The following CENPF variants were observed in gnomAD, a reference collection of about 807,000 sequenced individuals.
CENPF encodes the protein centromere protein F.
Under a neutral mutation model 307.3 loss-of-function variants are expected in CENPF, and 214 were observed. The observed-to-expected ratio is 0.70, with a 90% CI of 0.62 to 0.78. CENPF has a LOEUF of 0.78. Ranked by LOEUF, CENPF falls within the 30% of genes least tolerant of loss-of-function variation. CENPF has a pLI of 0.00. For missense variants in CENPF, 3,401 were observed against 3,483.9 expected (o/e 0.98, Z 0.60); for synonymous variants, 1,259 against 1,270.6 (o/e 0.99, Z 0.19).
chr1:214,649,658 T>C (rs1658409100), intron 14 of CENPF, among the ~76,000 whole-genome samples: 1 of 152,226 alleles, frequency 6.6e-6, no homozygotes, highest in African/African-American at 2.4e-5. Context: ...GCATCAAATC[T>C]CAGGAATGGA....
At chr1:214,651,675 A>C in intron 14 of CENPF, 35 bp from the exon 15 acceptor site, 4 of 1,438,162 alleles carry the variant, frequency 2.8e-6, no homozygotes, top group Non-Finnish European at 3.8e-6. Flanking sequence ...AATTATGAGG[A>C]GGTGCTATTA....
chr1:214,660,302 C>G (rs540202162), intron 19 of CENPF, among the ~76,000 whole-genome samples: 1 of 152,156 alleles, frequency 6.6e-6, no homozygotes, highest in East Asian at 1.9e-4. Flanking sequence ...CCATTTGTTA[C>G]TCTTATTAGA....
chr1:214,657,482 C>G, intron 18 of CENPF, 73 bp downstream of exon 18: 1 of 1,143,060 alleles, frequency 8.7e-7, no homozygotes, highest in Admixed American at 2.2e-5. Flanking sequence ...TATAAAAAGA[C>G]AAAAGTATTT....
chr1:214,636,179 C>T (rs552451321), intron 10 of CENPF, among the ~76,000 whole-genome samples: 30 of 152,266 alleles, frequency 2.0e-4, no homozygotes, highest in African/African-American at 7.0e-4. Flanking sequence ...TTGCCCCTGT[C>T]AAAGTGCTTT....
In CENPF at chr1:214,659,123, C is replaced by A. The variant is rs1468712640; in HGVS notation, c.9141+95C>A. 3.7e-6 allele frequency: 5 copies of A among 1,358,084 alleles called. No homozygotes were observed. The highest frequency in any genetic ancestry group is 5.1e-6 in the Non-Finnish European group (5 of 988,372). 84.1% of individuals were successfully genotyped at this position (1,358,084 alleles called of 1,614,324 possible). ...GGACACTGCACCCCCGATTCAGGAG[C>A]GCTTTCAAAAAGTCTGACCTTCTTG... is the stretch of plus-strand genomic sequence containing the variant. On this transcript the variant is annotated intron_variant, in intron 19 of 19. Transcript: ENST00000366955. The surrounding 1 kb of genome is among the most constrained non-coding windows in gnomAD (Gnocchi z 4.4).
At chr1:214,605,913 C>G (rs903494924) in intron 1 of CENPF, 219 of 1,597,278 alleles carry the variant, frequency 1.4e-4, no homozygotes, top group Non-Finnish European at 1.6e-4. Flanking sequence ...GGGAAGGCGT[C>G]GAAGCAGTAG....
In CENPF at chr1:214,648,696, G is replaced by A. The variant is rs1161044600; in HGVS notation, c.7852G>A (p.Glu2618Lys). ...VEKVNKMTAK[E>K]TELQREMHEM... The stretch of plus-strand genomic sequence containing the variant: ...TCAGGTAAACAAAATGACTGCAAAG[G>A]AAACTGAGCTGCAGAGGGAAATGCA... Residue 2618 changes from glutamate (E) to lysine (K), a missense_variant, in exon 14 of 20, where the codon GAA becomes AAA. Transcript: ENST00000366955. 6.2e-7 allele frequency: 1 copy of A among 1,612,842 alleles called. No homozygotes were observed. The highest frequency in any genetic ancestry group is 1.1e-5 in the South Asian group (1 of 90,670).
intron 7 of CENPF, among the ~76,000 whole-genome samples, chr1:214,624,960 C>G (rs1202323546): frequency 6.6e-6 from 1 of 151,304 alleles, no homozygotes; most frequent in Non-Finnish European, 1.5e-5. Flanking sequence ...TTTTGCAGCT[C>G]TGTTGGTGAA....
chr1:214,618,903 G>A (rs888717078), intron 4 of CENPF, among the ~76,000 whole-genome samples: 1 of 152,138 alleles, frequency 6.6e-6, no homozygotes, highest in African/African-American at 2.4e-5. Flanking sequence ...TTATCCTTCT[G>A]TGGCATATTT....
intron 3 of CENPF, among the ~76,000 whole-genome samples, chr1:214,617,356 T>G (rs1657388047): frequency 6.6e-6 from 1 of 152,178 alleles, no homozygotes; most frequent in Non-Finnish European, 1.5e-5. Context: ...CATTACTTTC[T>G]TTACTTCCTG....
chr1:214,649,003 T>A (rs575390247), intron 14 of CENPF, among the ~76,000 whole-genome samples, 176 bp downstream of exon 14: 5 of 152,302 alleles, frequency 3.3e-5, no homozygotes, highest in African/African-American at 1.2e-4. Flanking sequence ...TCCAGCACTA[T>A]CAGGAGCCCA....
Position 214,637,886 on chromosome 1 carries a change from C to A in CENPF, c.1467C>A (p.Asn489Lys). ...RSMEEMKKEN[N>K]LLKSHSEQKA... ...TTTAGGAAATGAAGAAGGAAAACAA[C>A]CTCCTTAAGAGTCACTCTGAGCAAA... Residue 489 changes from asparagine (N) to lysine (K), a missense_variant, in exon 11 of 20, where the codon AAC becomes AAA. Coordinates refer to ENST00000366955, the MANE Select transcript of CENPF (RefSeq NM_016343.4). The A allele has an allele frequency of 6.2e-7, 1 of 1,603,358 alleles. No homozygotes were observed. Among genetic ancestry groups the A allele is most frequent in the Admixed American group, 1.8e-5 (1 of 56,108 alleles).
chr1:214,615,207 A>AAACT (rs1376608252), intron 3 of CENPF, 179 bp downstream of exon 3: 30 of 466,630 alleles, frequency 6.4e-5, no homozygotes, highest in African/African-American at 5.6e-4. Flanking sequence ...ACAAACAAAC[A>AAACT]GTGATTTGGT....
In CENPF at chr1:214,605,437, CTT is replaced by C. The variant is rs1199755413; in HGVS notation, c.-42+2118_-42+2119del. 3 of 506,740 alleles carry C rather than the reference CTT, an allele frequency of 5.9e-6. No individual in the cohort carries two copies. In the Admixed American group the frequency reaches 1.0e-4, roughly 18 times the overall value. 31.4% of individuals were successfully genotyped at this position (506,740 alleles called of 1,614,324 possible). Reference sequence around the variant, plus strand: ...TAAGTGCCTGAGCTAGAAGAATCCGCTTTGTTTTTTTTTTTTTTTAAATTTTA... The same window carrying C: ...TAAGTGCCTGAGCTAGAAGAATCCGCTGTTTTTTTTTTTTTTTAAATTTTA... On this transcript the variant is annotated intron_variant, in intron 1 of 19. Transcript: ENST00000366955.
At chr1:214,619,543 T>C (rs1055653496) in intron 5 of CENPF, among the ~76,000 whole-genome samples, 2 of 152,218 alleles carry the variant, frequency 1.3e-5, no homozygotes, top group Non-Finnish European at 2.9e-5. Flanking sequence ...GTCGTGATGC[T>C]CCCTGCCTGG....
intron 7 of CENPF, among the ~76,000 whole-genome samples, chr1:214,628,645 T>C (rs931982203): frequency 1.3e-5 from 2 of 152,238 alleles, no homozygotes; most frequent in Admixed American, 1.3e-4. Flanking sequence ...CGTTTCACCA[T>C]GTTGCCTCAG....
At position 214,640,732 on chromosome 1, in the gene CENPF, A is replaced by G. The variant is rs771916284; in HGVS notation, c.2394A>G (p.Ala798=). 6.2e-7 allele frequency: 1 copy of G among 1,614,130 alleles called. No individual in the cohort carries two copies. ...AGCCTGCCATGCATCATTCCTTTGC[A>G]AATATAATTGGAGAACAAGGAAGCA... ...DQQPAMHHSF[A]NIIGEQGSMP... Residue 798 remains alanine, a synonymous_variant, in exon 12 of 20, where the codon GCA becomes GCG. Coordinates refer to ENST00000366955, the MANE Select transcript of CENPF (RefSeq NM_016343.4).
At chr1:214,618,194 G>A (rs966387230) in intron 3 of CENPF, among the ~76,000 whole-genome samples, 2 of 152,044 alleles carry the variant, frequency 1.3e-5, no homozygotes, top group Non-Finnish European at 1.5e-5. Flanking sequence ...ACCTCTCACC[G>A]GGTCCCCACC....
At chr1:214,617,997 T>C (rs1275688173) in intron 3 of CENPF, among the ~76,000 whole-genome samples, 1 of 152,204 alleles carries the variant, frequency 6.6e-6, no homozygotes, top group Non-Finnish European at 1.5e-5. Context: ...CCACAGGGCT[T>C]TTCTTTTCCG....
Sources: gnomAD v4.1 joint callset for allele counts (sites outside exome capture counted in the v4.1 genomes callset) on GRCh38, gnomAD v4.1.1 for gene constraint, Gnocchi (gnomAD v3.1) non-coding constraint, MANE v1.5 for transcripts, NCBI Gene and HGNC (gene_info 2026-07-23, HGNC 2026-07-21) for gene names.